The following HGSNAT variants were observed in gnomAD, a reference collection of about 807,000 sequenced individuals.
HGSNAT encodes the protein heparan-alpha-glucosaminide N-acetyltransferase, also known as transmembrane protein 76.
Under a neutral mutation model 85.2 loss-of-function variants are expected in HGSNAT, and 59 were observed. The ratio of observed to expected loss-of-function variants is 0.69; its 90% CI spans 0.56 to 0.86. The LOEUF is 0.86. Ranked by LOEUF, HGSNAT falls within the 40% of genes least tolerant of loss-of-function variation. The probability of loss-of-function intolerance (pLI) is 0.00; values close to 1 mark genes in which losing one functional copy is unlikely to be tolerated. For missense variants in HGSNAT, 756 were observed against 777.1 expected (o/e 0.97, Z 0.32); for synonymous variants, 321 against 304.5 (o/e 1.05, Z -0.56).
chr8:43,171,422 C>CT (rs1355294150), intron 7 of HGSNAT, among the ~76,000 whole-genome samples: 3 of 152,154 alleles, frequency 2.0e-5, no homozygotes, highest in African/African-American at 7.2e-5. Context: ...TCTAACTCGT[C>CT]TTAATTTATT....
rs749415090 is a variant in HGSNAT, at chr8:43,182,202, T to C, written c.1070T>C (p.Phe357Ser). The C allele has an allele frequency of 3.4e-5, 55 of 1,613,878 alleles. No individual in the cohort carries two copies. Among genetic ancestry groups the C allele is most frequent in the Non-Finnish European group, 4.4e-5 (52 of 1,179,892 alleles). Reference protein sequence around the residue: ...GVLQRLGVTYFVVAVLELLFA... With the variant: ...GVLQRLGVTYSVVAVLELLFA... ...CTGCAGCGATTGGGAGTGACATACT[T>C]TGTGGTTGCTGTGTTGGAGCTCCTC... The change falls in exon 11 of 18, where the codon TTT becomes TCT. Residue 357 changes from phenylalanine (F) to serine (S), a missense_variant. Transcript: ENST00000379644.
intron 5 of HGSNAT, among the ~76,000 whole-genome samples, chr8:43,165,860 C>T (rs769448524): frequency 2.3e-4 from 35 of 152,242 alleles, no homozygotes; most frequent in African/African-American, 7.2e-4. Context: ...TGCTTGAACC[C>T]GGGAGTCAGA....
At chr8:43,173,835 A>C (rs1803718159) in intron 9 of HGSNAT, 92 bp downstream of exon 9, 1 of 1,345,742 alleles carries the variant, frequency 7.4e-7, no homozygotes, top group Non-Finnish European at 1.0e-6. Flanking sequence ...TGAGACGGGC[A>C]TGTGTTATGT....
intron 11 of HGSNAT, among the ~76,000 whole-genome samples, chr8:43,182,961 T>C (rs546835442): frequency 6.6e-6 from 1 of 152,240 alleles, no homozygotes; most frequent in African/African-American, 2.4e-5. Flanking sequence ...AGTAATCACA[T>C]GCATTCTTTT....
At chr8:43,177,779 C>T (rs1331412632) in intron 9 of HGSNAT, among the ~76,000 whole-genome samples, 1 of 152,010 alleles carries the variant, frequency 6.6e-6, no homozygotes, top group Non-Finnish European at 1.5e-5. Flanking sequence ...ACTGTGGCTT[C>T]GAATCATCAT....
At chr8:43,175,725 C>T (rs1395421772) in intron 9 of HGSNAT, among the ~76,000 whole-genome samples, 1 of 151,828 alleles carries the variant, frequency 6.6e-6, no homozygotes, top group Non-Finnish European at 1.5e-5. Flanking sequence ...ACCACCACAC[C>T]TGGCTATTTT....
At position 43,191,609 on chromosome 8, in the gene HGSNAT, T is replaced by G. The variant is rs766218596; in HGVS notation, c.1250+14T>G. 2 of 1,613,288 alleles carry G rather than the reference T, an allele frequency of 1.2e-6. No homozygotes were observed. Among genetic ancestry groups the G allele is most frequent in the Non-Finnish European group, 1.7e-6 (2 of 1,179,392 alleles). Reference sequence around the variant, plus strand: ...TGGGTGCCCTACGTAAGCGAACCCCTGGGGGTCATCCCTTGTGCATGTCCT... The same window carrying G: ...TGGGTGCCCTACGTAAGCGAACCCCGGGGGGTCATCCCTTGTGCATGTCCT... On this transcript the variant is annotated intron_variant, in intron 12 of 17. Coordinates refer to ENST00000379644, the MANE Select transcript of HGSNAT (RefSeq NM_152419.3).
chr8:43,183,421 C>T (rs1168388677), intron 11 of HGSNAT, among the ~76,000 whole-genome samples: 2 of 151,868 alleles, frequency 1.3e-5, no homozygotes, highest in Non-Finnish European at 2.9e-5. Context: ...CCCACCTCAG[C>T]CTCCCAAAAT....
At chr8:43,179,638 C>T (rs867702200) in intron 10 of HGSNAT, among the ~76,000 whole-genome samples, 248 of 20,850 alleles carry the variant, frequency 0.012, 1 homozygote, top group South Asian at 0.018. Flanking sequence ...ACCTCCCGGA[C>T]GGGGCGACTG....
At chr8:43,165,131 C>T (rs1156464723) in intron 5 of HGSNAT, among the ~76,000 whole-genome samples, 1 of 145,844 alleles carries the variant, frequency 6.9e-6, no homozygotes, top group Non-Finnish European at 1.5e-5. Flanking sequence ...CTGTTGGCAC[C>T]ATTTTTCCAA....
chr8:43,182,667 A>G (rs1586740976), intron 11 of HGSNAT, among the ~76,000 whole-genome samples: 1 of 148,870 alleles, frequency 6.7e-6, no homozygotes, highest in African/African-American at 2.5e-5. Context: ...GCTGGTTTCA[A>G]ACTCCTGGAC....
chr8:43,184,772 C>G (rs1006764535), intron 11 of HGSNAT, among the ~76,000 whole-genome samples: 8 of 152,158 alleles, frequency 5.3e-5, no homozygotes, highest in Non-Finnish European at 1.2e-4. Context: ...GGTTTTAGGT[C>G]TAACATTTAA....
intron 9 of HGSNAT, among the ~76,000 whole-genome samples, chr8:43,175,243 G>T (rs930390415): frequency 2.6e-5 from 4 of 152,098 alleles, no homozygotes; most frequent in African/African-American, 7.2e-5. Context: ...TATATACCCA[G>T]CAGTGGGATT....
At chr8:43,161,282 A>G (rs1281219095) in intron 4 of HGSNAT, among the ~76,000 whole-genome samples, 156 bp from the exon 5 acceptor site, 1 of 152,194 alleles carries the variant, frequency 6.6e-6, no homozygotes, top group Non-Finnish European at 1.5e-5. Context: ...TATAATGACA[A>G]TTATCACTCC....
At chr8:43,193,313 A>G (rs1804603520) in intron 13 of HGSNAT, among the ~76,000 whole-genome samples, 1 of 152,238 alleles carries the variant, frequency 6.6e-6, no homozygotes, top group African/African-American at 2.4e-5. Context: ...CATTTATTTT[A>G]TAATAAAAAA....
rs1804877805 is a variant in HGSNAT at position 43,200,342 on chromosome 8, A to G, written c.*773A>G. The G allele has an allele frequency of 6.6e-6, 1 of 152,194 alleles. No individual in the cohort carries two copies. Among genetic ancestry groups the G allele is most frequent in the African/African-American group, 2.4e-5 (1 of 41,428 alleles). 9.4% of individuals were successfully genotyped at this position (152,194 alleles called of 1,614,324 possible). Reference sequence around the variant, plus strand: ...CTTTGCCTGTGGGTCCAGCTGAGCCATCCCTGCTGGGTGATGCTGGGCAAG... The same window carrying G: ...CTTTGCCTGTGGGTCCAGCTGAGCCGTCCCTGCTGGGTGATGCTGGGCAAG... On this transcript the variant is annotated 3_prime_UTR_variant, in exon 18 of 18. Coordinates refer to ENST00000379644, the MANE Select transcript of HGSNAT (RefSeq NM_152419.3).
At position 43,146,995 on chromosome 8, in the gene HGSNAT, C is replaced by G; in HGVS notation, c.166C>G (p.Leu56Val). ...AGAGCTGAAGATGGATCAGGCTTTGCTACTCATCCATAATGAACTTCTCTG... is the reference window on the plus strand; with the variant it reads ...AGAGCTGAAGATGGATCAGGCTTTGGTACTCATCCATAATGAACTTCTCTG... ...HAELKMDQAL[L>V]LIHNELLWTN... is the part of the protein sequence containing the mutation. The change falls in exon 2 of 18, where the codon CTA becomes GTA. Residue 56 changes from leucine to valine, a missense_variant. Coordinates refer to ENST00000379644, the MANE Select transcript of HGSNAT (RefSeq NM_152419.3). 6.2e-7 allele frequency: 1 copy of G among 1,609,082 alleles called. No individual in the cohort carries two copies. Among genetic ancestry groups the G allele is most frequent in the African/African-American group, 1.3e-5 (1 of 74,426 alleles).
chr8:43,191,563 G>A lies in HGSNAT; in HGVS notation c.1218G>A (p.Leu406=). ...ILVLEGLWLG[L]TFLLPVPGCP... Reference sequence around the variant, plus strand: ...TGCTGGAAGGCCTGTGGCTGGGCTTGACATTCCTCCTGCCAGTCCCTGGGT... The same window carrying A: ...TGCTGGAAGGCCTGTGGCTGGGCTTAACATTCCTCCTGCCAGTCCCTGGGT... Residue 406 remains leucine (L), a synonymous_variant, in exon 12 of 18, where the codon TTG becomes TTA. Transcript: ENST00000379644. 6.2e-7 allele frequency: 1 copy of A among 1,614,004 alleles called. No individual in the cohort carries two copies. The highest frequency in any genetic ancestry group is 8.5e-7 in the Non-Finnish European group (1 of 1,179,882).
rs1277900870 is a variant in HGSNAT, at chr8:43,140,506, G to C, written c.10G>C (p.Ala4Pro). The C allele has an allele frequency of 7.2e-5, 75 of 1,048,798 alleles. No individual in the cohort carries two copies. Among genetic ancestry groups the C allele is most frequent in the Non-Finnish European group, 8.4e-5 (73 of 872,664 alleles). The allele number at this position is 1,048,798 out of a possible 1,614,324, so 65.0% of individuals were successfully genotyped here. A position where few individuals can be genotyped will look rare whatever the true frequency, so the allele number is the denominator to read the frequency against. Residue 4 changes from alanine to proline, a missense_variant, in exon 1 of 18, where the codon GCG (alanine) becomes CCG (proline). Ala to Pro is a conservative substitution (Grantham distance 27, BLOSUM62 -1). Coordinates refer to ENST00000379644, the MANE Select transcript of HGSNAT (RefSeq NM_152419.3). ...CGAGCGGGCGGCGGGCATGAGCGGG[G>C]CGGGCAGGGCGCTGGCCGCGCTGCT... MSGAGRALAALLLA... is the reference protein window; with the variant it reads MSGPGRALAALLLA...
Sources: gnomAD v4.1 joint callset for allele counts (sites outside exome capture counted in the v4.1 genomes callset) on GRCh38, gnomAD v4.1.1 for gene constraint, MANE v1.5 for transcripts, NCBI Gene and HGNC (gene_info 2026-07-23, HGNC 2026-07-21) for gene names.